The following PPARGC1A variants were observed in gnomAD, a reference collection of about 807,000 sequenced individuals.
PPARGC1A encodes the protein PPARG coactivator 1 alpha, also known as peroxisome proliferator-activated receptor gamma coactivator 1-alpha.
A neutral mutation model predicts 88.7 loss-of-function variants in PPARGC1A; 25 were observed. The ratio of observed to expected loss-of-function variants is 0.28; its 90% confidence interval spans 0.21 to 0.39. The LOEUF is 0.39. Among genes scored for constraint, PPARGC1A ranks in the 10% least tolerant of loss-of-function variants. The pLI is 1.00. For synonymous variants in PPARGC1A, 363 were observed against 355.6 expected (o/e 1.02, Z -0.24); for missense variants, 880 against 968.7 (o/e 0.91, Z 1.22).
At chr4:23,883,835 T>A (rs1434970384) in intron 2 of PPARGC1A, 1 of 152,176 alleles carries the variant, frequency 6.6e-6, no homozygotes, top group East Asian at 1.9e-4. Context: ...GACTCAGATT[T>A]CAACCAAATA....
chr4:24,091,254 G>A, the PPARGC1A span, among the ~76,000 whole-genome samples: 25,648 of 152,158 alleles, frequency 0.17, 3,748 homozygotes, highest in African/African-American at 0.39. Context: ...GATTTGTAAA[G>A]CCCTATTAGC....
At chr4:24,352,043 G>C in the PPARGC1A span, among the ~76,000 whole-genome samples, 40 of 152,000 alleles carry the variant, frequency 2.6e-4, no homozygotes, top group Non-Finnish European at 4.4e-4. Context: ...TCAAGGAGGC[G>C]CCAGGGGGAT....
chr4:23,913,259 T>TAG, the PPARGC1A span, among the ~76,000 whole-genome samples: 9 of 49,028 alleles, frequency 1.8e-4, no homozygotes, highest in Non-Finnish European at 2.8e-4. Context: ...TATATATATA[T>TAG]ATATATATAG....
chr4:23,981,790 T>C, the PPARGC1A span, among the ~76,000 whole-genome samples: 1 of 152,212 alleles, frequency 6.6e-6, no homozygotes, highest in Non-Finnish European at 1.5e-5. Flanking sequence ...TTTGATCAGT[T>C]TGATCACAAA....
chr4:24,400,693 A>C, the PPARGC1A span, among the ~76,000 whole-genome samples: 3 of 152,148 alleles, frequency 2.0e-5, no homozygotes, highest in Admixed American at 2.0e-4. Context: ...AGAAACCTTC[A>C]TTTTATGTTC....
intron 1 of PPARGC1A, among the ~76,000 whole-genome samples, chr4:23,897,808 T>C (rs1166122039): frequency 1.3e-5 from 2 of 152,238 alleles, no homozygotes; most frequent in Non-Finnish European, 2.9e-5. Context: ...GAGACCAGCA[T>C]TTCTTACAAA....
At chr4:24,105,718 A>G in the PPARGC1A span, among the ~76,000 whole-genome samples, 1 of 152,188 alleles carries the variant, frequency 6.6e-6, no homozygotes, top group Non-Finnish European at 1.5e-5. Context: ...CCCCAAATAA[A>G]GGAAGAGAGG....
At chr4:24,399,852 G>A in the PPARGC1A span, among the ~76,000 whole-genome samples, 5 of 150,494 alleles carry the variant, frequency 3.3e-5, no homozygotes, top group South Asian at 6.3e-4. Flanking sequence ...GCAGTGGCAC[G>A]ATCTTGGCTC....
chr4:24,357,722 T>C, the PPARGC1A span, among the ~76,000 whole-genome samples: 12 of 152,202 alleles, frequency 7.9e-5, no homozygotes, highest in Non-Finnish European at 1.3e-4. Flanking sequence ...GTTTCCTCCA[T>C]ACCATTCTCA....
chr4:24,125,284 T>A, the PPARGC1A span, among the ~76,000 whole-genome samples: 1 of 152,172 alleles, frequency 6.6e-6, no homozygotes, highest in Non-Finnish European at 1.5e-5. Flanking sequence ...CCTCCCCCAA[T>A]GAGAGCTCCA....
chr4:24,062,178 G>C, the PPARGC1A span, among the ~76,000 whole-genome samples: 1 of 152,186 alleles, frequency 6.6e-6, no homozygotes, highest in Non-Finnish European at 1.5e-5. Flanking sequence ...TTGGCCCTCA[G>C]AAAGCAACTT....
the PPARGC1A span, among the ~76,000 whole-genome samples, chr4:24,440,182 G>T: frequency 6.6e-5 from 10 of 152,204 alleles, no homozygotes; most frequent in South Asian, 4.1e-4. Context: ...TGGTGATGGT[G>T]AACTTTTCAT....
chr4:23,859,300 A>T (rs951742492), intron 2 of PPARGC1A, among the ~76,000 whole-genome samples: 1 of 152,212 alleles, frequency 6.6e-6, no homozygotes, highest in Non-Finnish European at 1.5e-5. Context: ...ACACAGAGCC[A>T]CTAGCGAGCC....
the PPARGC1A span, among the ~76,000 whole-genome samples, chr4:24,044,359 G>T: frequency 6.6e-6 from 1 of 152,132 alleles, no homozygotes; most frequent in Non-Finnish European, 1.5e-5. Flanking sequence ...GTACCATAAT[G>T]AGTCTCTTAA....
At chr4:24,229,810 A>G in the PPARGC1A span, among the ~76,000 whole-genome samples, 1 of 148,586 alleles carries the variant, frequency 6.7e-6, no homozygotes, top group Non-Finnish European at 1.5e-5. Flanking sequence ...GCGTCATTGC[A>G]TTCCAGCCTG....
chr4:24,353,125 C>A, the PPARGC1A span, among the ~76,000 whole-genome samples: 15 of 151,924 alleles, frequency 9.9e-5, no homozygotes, highest in African/African-American at 3.4e-4. Context: ...AGCAATCGAA[C>A]CAAAATCTGG....
the PPARGC1A span, among the ~76,000 whole-genome samples, chr4:23,961,496 C>T: frequency 1.3e-5 from 2 of 152,268 alleles, no homozygotes; most frequent in African/African-American, 4.8e-5. Flanking sequence ...TTTCTATAAA[C>T]AGTGACAACA....
chr4:24,437,321 T>A, the PPARGC1A span, among the ~76,000 whole-genome samples: 1 of 151,960 alleles, frequency 6.6e-6, no homozygotes, highest in Admixed American at 6.6e-5. Flanking sequence ...AGTGGCCACG[T>A]TAGCTGGGGT....
the PPARGC1A span, among the ~76,000 whole-genome samples, chr4:24,364,578 A>T: frequency 1.3e-5 from 2 of 152,186 alleles, no homozygotes; most frequent in Non-Finnish European, 2.9e-5. Context: ...TTTTCTAAGA[A>T]TAATAAGAAA....
Sources: allele counts gnomAD v4.1 joint callset (sites outside exome capture counted in the v4.1 genomes callset), GRCh38; gene constraint gnomAD v4.1.1; transcripts MANE v1.5; gene names NCBI Gene and HGNC (gene_info 2026-07-23, HGNC 2026-07-21).